The following STX8 variants were observed in gnomAD, a reference collection of about 807,000 sequenced individuals.
The protein encoded by STX8 is syntaxin-8.
A neutral mutation model predicts 37.5 loss-of-function variants in STX8; 23 were observed. The observed-to-expected ratio is 0.61, with a 90% confidence interval of 0.44 to 0.87. The LOEUF is 0.87. STX8 is among the 40% of genes least tolerant of loss of function. STX8 has a pLI of 0.00. For synonymous variants in STX8, 115 were observed against 99.1 expected (o/e 1.16, Z -0.95); for missense variants, 313 against 284.7 (o/e 1.10, Z -0.71).
chr17:9,562,450 C>G (rs1471938308), intron 2 of STX8, among the ~76,000 whole-genome samples: 1 of 151,200 alleles, frequency 6.6e-6, no homozygotes, highest in Non-Finnish European at 1.5e-5. Context: ...CTACCACAAG[C>G]AAGTCAAATG....
rs141068575 is a variant in STX8, at chr17:9,396,409, C to T, written c.542-17756G>A. The stretch of plus-strand genomic sequence containing the variant: ...GTAAAAATACTCTATATGGGCCGGG[C>T]GCAGTGGCTCACGCCTGTAATCCCG... On this transcript the variant is annotated intron_variant, in intron 6 of 7. Transcript: ENST00000306357. 9.8e-3 allele frequency among the ~76,000 whole-genome samples: 1,493 copies of T among 152,028 alleles called. 9 individuals are homozygous for T. Among genetic ancestry groups the T allele is most frequent in the Non-Finnish European group, 0.015 (1,043 of 67,970 alleles).
chr17:9,306,802 G>T (rs1909010013), intron 7 of STX8, among the ~76,000 whole-genome samples: 1 of 151,658 alleles, frequency 6.6e-6, no homozygotes, highest in Admixed American at 6.6e-5. Flanking sequence ...AGGAATTTAA[G>T]AAGTAAAACT....
intron 7 of STX8, among the ~76,000 whole-genome samples, chr17:9,301,629 C>T (rs1908789047): frequency 6.6e-6 from 1 of 151,472 alleles, no homozygotes; most frequent in African/African-American, 2.4e-5. Flanking sequence ...ACTACAGGCG[C>T]CTGCCACTAT....
At chr17:9,536,562 C>T (rs867304581) in intron 4 of STX8, among the ~76,000 whole-genome samples, 1 of 152,248 alleles carries the variant, frequency 6.6e-6, no homozygotes, top group African/African-American at 2.4e-5. Context: ...GGACAATAAG[C>T]ACAACCTGCT....
chr17:9,568,379 C>T lies in STX8; in HGVS notation c.109G>A (p.Ala37Thr), dbSNP rs367667040. ...TTCCTTCATGGTATTACCTTTGGTGCCTTTTCACCTTTTCTTTCATATTGA... is the reference window on the plus strand; with the variant it reads ...TTCCTTCATGGTATTACCTTTGGTGTCTTTTCACCTTTTCTTTCATATTGA... Reference protein sequence around the residue: ...RNQYERKGEKAPKLTVTIRAL... With the variant: ...RNQYERKGEKTPKLTVTIRAL... Residue 37 changes from alanine to threonine, a missense_variant, in exon 2 of 8, where the codon GCA (alanine) becomes ACA (threonine). Coordinates refer to ENST00000306357, the MANE Select transcript of STX8 (RefSeq NM_004853.3). 31 of 1,610,322 alleles carry T rather than the reference C, an allele frequency of 1.9e-5. No homozygotes were observed. The highest frequency in any genetic ancestry group is 6.8e-6 in the Non-Finnish European group (8 of 1,178,754).
intron 6 of STX8, among the ~76,000 whole-genome samples, chr17:9,407,398 C>T (rs956177727): frequency 6.6e-6 from 1 of 151,904 alleles, no homozygotes; most frequent in Non-Finnish European, 1.5e-5. Flanking sequence ...AGAAGGAGAG[C>T]TTGAATTAAA....
intron 6 of STX8, among the ~76,000 whole-genome samples, chr17:9,490,210 G>A (rs1007829493): frequency 7.2e-5 from 11 of 152,112 alleles, no homozygotes; most frequent in African/African-American, 9.7e-5. Context: ...AGATGGAATT[G>A]ATTTATGACA....
intron 6 of STX8, among the ~76,000 whole-genome samples, chr17:9,416,784 T>G (rs1913214648): frequency 6.6e-6 from 1 of 152,224 alleles, no homozygotes; most frequent in Admixed American, 6.5e-5. Context: ...ATTAGGATTA[T>G]GCAAGGGGCT....
At chr17:9,257,480 G>C (rs1906843204) in intron 7 of STX8, among the ~76,000 whole-genome samples, 1 of 152,172 alleles carries the variant, frequency 6.6e-6, no homozygotes, top group Admixed American at 6.5e-5. Flanking sequence ...GGAAGGAGGA[G>C]AAAGAATCTG....
chr17:9,522,527 C>T (rs190066946), intron 4 of STX8, among the ~76,000 whole-genome samples: 1 of 118,592 alleles, frequency 8.4e-6, no homozygotes, highest in East Asian at 2.4e-4. Context: ...GAAACTCCGT[C>T]TCTACTAAAA....
intron 2 of STX8, among the ~76,000 whole-genome samples, chr17:9,560,397 C>CAAAAA (rs36044353): frequency 1.1e-5 from 1 of 93,352 alleles, no homozygotes; most frequent in Non-Finnish European, 1.9e-5. Flanking sequence ...GACTCCATCT[C>CAAAAA]AAAAAAAAAA....
chr17:9,468,485 T>A (rs1386073290), intron 6 of STX8, among the ~76,000 whole-genome samples: 1 of 152,222 alleles, frequency 6.6e-6, no homozygotes, highest in African/African-American at 2.4e-5. Flanking sequence ...ATCCAGAGAC[T>A]TGTATTCTAG....
At chr17:9,506,804 C>T (rs1393757014) in intron 4 of STX8, among the ~76,000 whole-genome samples, 1 of 152,114 alleles carries the variant, frequency 6.6e-6, no homozygotes, top group Non-Finnish European at 1.5e-5. Context: ...CCACTCCCCA[C>T]CCACTCCATG....
chr17:9,251,256 G>A (rs371671192), intron 7 of STX8, among the ~76,000 whole-genome samples: 1 of 152,196 alleles, frequency 6.6e-6, no homozygotes, highest in South Asian at 2.1e-4. Flanking sequence ...CTGCCTTCCA[G>A]CCCCGCCCTG....
At chr17:9,382,961 G>A (rs190270002) in intron 6 of STX8, among the ~76,000 whole-genome samples, 3 of 152,182 alleles carry the variant, frequency 2.0e-5, no homozygotes, top group African/African-American at 4.8e-5. Context: ...CCTTTGGGAG[G>A]TGAATGGTGA....
chr17:9,519,394 A>G (rs1270603019), intron 4 of STX8, among the ~76,000 whole-genome samples: 1 of 151,284 alleles, frequency 6.6e-6, no homozygotes, highest in East Asian at 1.9e-4. Context: ...TTCTAACCAC[A>G]TCTCATCAAC....
intron 7 of STX8, among the ~76,000 whole-genome samples, chr17:9,316,017 A>C (rs902988458): frequency 1.4e-5 from 2 of 146,434 alleles, no homozygotes; most frequent in Non-Finnish European, 3.1e-5. Context: ...TCCATCTCCA[A>C]TTAAAAAAAA....
At chr17:9,262,558 G>GT (rs912734907) in intron 7 of STX8, among the ~76,000 whole-genome samples, 3 of 150,496 alleles carry the variant, frequency 2.0e-5, no homozygotes, top group African/African-American at 5.0e-5. Flanking sequence ...GTTTTTTGGT[G>GT]TTTTTTGTTT....
chr17:9,332,375 A>G (rs903245751), intron 7 of STX8, among the ~76,000 whole-genome samples: 4 of 152,202 alleles, frequency 2.6e-5, no homozygotes, highest in Non-Finnish European at 5.9e-5. Context: ...AAATCATCAG[A>G]TCGACGTGCT....
Sources: allele counts gnomAD v4.1 joint callset (sites outside exome capture counted in the v4.1 genomes callset), GRCh38; gene constraint gnomAD v4.1.1; transcripts MANE v1.5; gene names NCBI Gene and HGNC (gene_info 2026-07-23, HGNC 2026-07-21).